The following XKR6 variants were observed in gnomAD, a reference collection of about 807,000 sequenced individuals.
XKR6 encodes XK related 6.
A neutral mutation model predicts 56.7 loss-of-function variants in XKR6; 22 were observed. That is an observed-to-expected ratio of 0.39 (90% CI 0.28 to 0.55). The LOEUF is 0.55. Ranked by LOEUF, XKR6 falls within the 20% of genes least tolerant of loss-of-function variation. The pLI is 0.66. For synonymous variants in XKR6, 524 were observed against 387.8 expected (o/e 1.35, Z -4.13); for missense variants, 852 against 889.0 (o/e 0.96, Z 0.53).
At chr8:11,110,842 CTTTT>C (rs535456620) in intron 1 of XKR6, among the ~76,000 whole-genome samples, 1 of 144,748 alleles carries the variant, frequency 6.9e-6, no homozygotes. Flanking sequence ...CTCAACTTTC[CTTTT>C]TTTTTTTTGA....
At chr8:11,059,401 G>C (rs1227064326) in intron 1 of XKR6, among the ~76,000 whole-genome samples, 1 of 152,228 alleles carries the variant, frequency 6.6e-6, no homozygotes, top group African/African-American at 2.4e-5. Context: ...CCGGGCTGGC[G>C]CCCGAAGGGA....
chr8:11,089,696 G>A (rs1416362822), intron 1 of XKR6, among the ~76,000 whole-genome samples: 1 of 152,090 alleles, frequency 6.6e-6, no homozygotes, highest in Admixed American at 6.6e-5. Context: ...AATATTACAA[G>A]GAGCACATGT....
At chr8:10,981,320 G>A (rs901777583) in intron 1 of XKR6, among the ~76,000 whole-genome samples, 3 of 152,206 alleles carry the variant, frequency 2.0e-5, no homozygotes, top group Admixed American at 6.5e-5. Context: ...TAGTCCATGT[G>A]TTTTCGGATG....
chr8:11,137,436 C>T (rs996034694), intron 1 of XKR6: 3 of 380,768 alleles, frequency 7.9e-6, no homozygotes, highest in African/African-American at 4.2e-5. Context: ...CTCCCTCAAA[C>T]GTGGACAGTC....
At chr8:11,094,887 T>C (rs1204311096) in intron 1 of XKR6, among the ~76,000 whole-genome samples, 1 of 152,104 alleles carries the variant, frequency 6.6e-6, no homozygotes, top group African/African-American at 2.4e-5. Context: ...CACTAAAAAA[T>C]AGGCTGAAGG....
chr8:10,924,859 GA>G, intron 1 of XKR6, 29 bp from the exon 2 acceptor site: 1 of 1,596,738 alleles, frequency 6.3e-7, no homozygotes, highest in South Asian at 1.1e-5. Context: ...AGAACACAGA[GA>G]GCATGGGTGG....
chr8:11,017,789 G>A (rs1457597603), intron 1 of XKR6, among the ~76,000 whole-genome samples: 1 of 152,172 alleles, frequency 6.6e-6, no homozygotes, highest in Non-Finnish European at 1.5e-5. Context: ...GCACCAGTAG[G>A]TGCCCATAGG....
intron 1 of XKR6, among the ~76,000 whole-genome samples, chr8:10,996,503 A>G (rs1798116447): frequency 6.6e-6 from 1 of 152,118 alleles, no homozygotes. Flanking sequence ...AAGAAAGAAA[A>G]TTTTCCCAAT....
intron 1 of XKR6, among the ~76,000 whole-genome samples, chr8:11,152,972 G>A (rs1391142893): frequency 3.3e-5 from 5 of 152,102 alleles, no homozygotes; most frequent in Non-Finnish European, 7.4e-5. Flanking sequence ...AGAATGCCAC[G>A]GTTTGGTTTG....
At position 11,201,098 on chromosome 8, in the gene XKR6, T is replaced by G; in HGVS notation, c.242A>C (p.Lys81Thr). Residue 81 changes from lysine (K) to threonine (T), a missense_variant, in exon 1 of 3, where the codon AAG (lysine) becomes ACG (threonine). This residue lies in a region of XKR6 where 417 missense variants were observed against 355.2 expected (regional missense o/e 1.17). Transcript: ENST00000416569. ...GTCGGCGGCGGCGCTGCGGCGCGGC[T>G]TCCTGCCCAGGAGGGAGCGCAGGCA... The part of the protein sequence containing the change: ...SACLRSLLGR[K>T]PRRSAAADGG... 7.9e-6 allele frequency: 11 copies of G among 1,389,620 alleles called. No homozygotes were observed. Among genetic ancestry groups the G allele is most frequent in the Non-Finnish European group, 7.5e-6 (8 of 1,071,944 alleles). The allele number at this position is 1,389,620 out of a possible 1,614,324, so 86.1% of individuals were successfully genotyped here.
At chr8:11,078,895 G>A (rs554962032) in intron 1 of XKR6, among the ~76,000 whole-genome samples, 1 of 152,362 alleles carries the variant, frequency 6.6e-6, no homozygotes, top group East Asian at 1.9e-4. Context: ...TCATCCTCAT[G>A]AGCCGTCAAT....
chr8:11,058,584 G>C (rs1016925232), intron 1 of XKR6, among the ~76,000 whole-genome samples: 1 of 152,132 alleles, frequency 6.6e-6, no homozygotes, highest in African/African-American at 2.4e-5. Context: ...AACTAACACA[G>C]GAACAGAAAA....
At chr8:11,124,584 G>A (rs1342725495) in intron 1 of XKR6, 1 of 155,056 alleles carries the variant, frequency 6.4e-6, no homozygotes, top group East Asian at 1.9e-4. Flanking sequence ...GTGAGTACAA[G>A]AGCACTTTAG....
chr8:10,943,724 GTGGATGCCAGGGGT>G (rs138875280), intron 1 of XKR6, among the ~76,000 whole-genome samples: 45,021 of 152,128 alleles, frequency 0.3, 7,694 homozygotes, highest in Non-Finnish European at 0.4. Flanking sequence ...GCAAGAGGTT[GTGGATGCCAGGGGT>G]TCATACCCAG....
intron 1 of XKR6, among the ~76,000 whole-genome samples, chr8:11,079,923 G>T (rs1271629242): frequency 1.3e-5 from 2 of 152,104 alleles, no homozygotes; most frequent in African/African-American, 4.8e-5. Context: ...AGCCATGATT[G>T]TACCACTGCA....
intron 1 of XKR6, among the ~76,000 whole-genome samples, chr8:10,967,798 C>T (rs1802271207): frequency 6.6e-6 from 1 of 152,192 alleles, no homozygotes; most frequent in African/African-American, 2.4e-5. Context: ...GGCTCCTGCT[C>T]CTGGCGGGTG....
intron 1 of XKR6, among the ~76,000 whole-genome samples, chr8:11,085,930 G>C (rs1797871987): frequency 6.6e-6 from 1 of 152,066 alleles, no homozygotes; most frequent in Non-Finnish European, 1.5e-5. Context: ...CCAGGAATCT[G>C]CATTTCCACC....
chr8:11,152,355 C>T (rs1047224719), intron 1 of XKR6, among the ~76,000 whole-genome samples: 6 of 152,172 alleles, frequency 3.9e-5, no homozygotes, highest in African/African-American at 1.2e-4. Context: ...TGTTGCTGGC[C>T]TTATCTACGC....
At chr8:11,026,760 ATCTAGATAG>A (rs1798876352) in intron 1 of XKR6, among the ~76,000 whole-genome samples, 3 of 150,374 alleles carry the variant, frequency 2.0e-5, no homozygotes, top group South Asian at 2.1e-4. Flanking sequence ...CCTACTACAC[ATCTAGATAG>A]CCTAACCTAC....
Sources: allele counts gnomAD v4.1 joint callset (sites outside exome capture counted in the v4.1 genomes callset), GRCh38; gene constraint gnomAD v4.1.1; regional missense constraint gnomAD v4.1.1; transcripts MANE v1.5; gene names NCBI Gene and HGNC (gene_info 2026-07-23, HGNC 2026-07-21).